NTM: variants seen among roughly 807,000 people sequenced by gnomAD.
NTM encodes IgLON family member 2.
In NTM, 13 loss-of-function variants were observed where a neutral mutation model predicts 42.1. The observed-to-expected ratio is 0.31, with a 90% CI of 0.20 to 0.49. The LOEUF is 0.49. Ranked by LOEUF, NTM falls within the 20% of genes least tolerant of loss-of-function variation. The probability of loss-of-function intolerance (pLI) is 0.99; values close to 1 mark genes in which losing one functional copy is unlikely to be tolerated. For missense variants in NTM, 373 were observed against 452.8 expected, an observed-to-expected ratio of 0.82 and a Z score of 1.60; for synonymous variants, 187 against 179.2, an observed-to-expected ratio of 1.04 and a Z score of -0.35.
In NTM at chr11:131,543,094, C is replaced by T. The variant is rs78681690; in HGVS notation, c.82+172206C>T. Among the ~76,000 whole-genome samples the T allele has an allele frequency of 1.9e-3, 288 of 152,290 alleles. 2 individuals are homozygous for T. Among genetic ancestry groups the T allele is most frequent in the East Asian group, 0.012 (64 of 5,166 alleles). On this transcript the variant is annotated intron_variant, in intron 1 of 8. Transcript: ENST00000683400. ...ACGTGACTTCTCTTAGCAGAGTGAA[C>T]GTATCTCCTACCTTAAGTCTCTTGT... is the stretch of plus-strand genomic sequence containing the variant.
At chr11:131,768,763 T>G (rs187133222) in intron 1 of NTM, among the ~76,000 whole-genome samples, 47 of 152,322 alleles carry the variant, frequency 3.1e-4, no homozygotes, top group African/African-American at 1.1e-3. Flanking sequence ...ATGGGAACTC[T>G]ATTGTTATTA....
chr11:131,670,445 A>G (rs564533498), intron 1 of NTM, among the ~76,000 whole-genome samples: 15 of 150,462 alleles, frequency 1.0e-4, no homozygotes, highest in African/African-American at 3.4e-4. Context: ...TAAGGAATAC[A>G]TGTCTGCATT....
intron 1 of NTM, among the ~76,000 whole-genome samples, chr11:131,751,151 A>G (rs913055300): frequency 6.6e-6 from 1 of 152,088 alleles, no homozygotes; most frequent in African/African-American, 2.4e-5. Flanking sequence ...AATTATACTT[A>G]TGGGCCAGGC....
chr11:131,526,332 T>C (rs425831), intron 1 of NTM, among the ~76,000 whole-genome samples: 33,364 of 152,078 alleles, frequency 0.22, 3,974 homozygotes, highest in African/African-American at 0.32. Context: ...TGGGCAGGTG[T>C]GGGTCCACAG....
chr11:131,862,529 A>C (rs2046750140), intron 1 of NTM, among the ~76,000 whole-genome samples: 1 of 152,224 alleles, frequency 6.6e-6, no homozygotes, highest in Non-Finnish European at 1.5e-5. Context: ...CCTAGTTGTT[A>C]TGTATGAATC....
intron 2 of NTM, among the ~76,000 whole-genome samples, chr11:131,996,088 T>C (rs1030076047): frequency 6.6e-6 from 1 of 152,160 alleles, no homozygotes; most frequent in Admixed American, 6.5e-5. Flanking sequence ...ATAAATTCTA[T>C]AGGGAAATTG....
chr11:132,092,069 C>G (rs2060441121), intron 2 of NTM, among the ~76,000 whole-genome samples: 1 of 152,184 alleles, frequency 6.6e-6, no homozygotes, highest in Non-Finnish European at 1.5e-5. Context: ...TCTAGCAATG[C>G]TATGGACTTT....
At chr11:131,464,364 G>A (rs1043729371) in intron 1 of NTM, among the ~76,000 whole-genome samples, 1 of 151,976 alleles carries the variant, frequency 6.6e-6, no homozygotes, top group Non-Finnish European at 1.5e-5. Flanking sequence ...AAAGCTGGGG[G>A]GGGGGCAGCA....
chr11:131,553,396 A>G (rs188903969), intron 1 of NTM, among the ~76,000 whole-genome samples: 1 of 152,288 alleles, frequency 6.6e-6, no homozygotes, highest in African/African-American at 2.4e-5. Flanking sequence ...GCTGGTCATG[A>G]CTTACCACGC....
At chr11:131,608,924 G>T (rs371231688) in intron 1 of NTM, among the ~76,000 whole-genome samples, 1 of 152,206 alleles carries the variant, frequency 6.6e-6, no homozygotes, top group Admixed American at 6.5e-5. Flanking sequence ...GACCCTATAG[G>T]CTTTCCTGTG....
chr11:131,537,196 A>C (rs1202295397), intron 1 of NTM: 6 of 151,910 alleles, frequency 3.9e-5, no homozygotes, highest in African/African-American at 1.5e-4. Context: ...AAAAAAAAAA[A>C]AAAAACAATT....
At chr11:132,111,301 T>C (rs899691700) in intron 2 of NTM, among the ~76,000 whole-genome samples, 1 of 151,566 alleles carries the variant, frequency 6.6e-6, no homozygotes, top group South Asian at 2.1e-4. Context: ...ATTTTTTATA[T>C]ATACATATAT....
chr11:131,944,334 A>ATTAGTGGTGAGCTCTTGATGAACT (rs2060124811), intron 2 of NTM, among the ~76,000 whole-genome samples: 1 of 152,192 alleles, frequency 6.6e-6, no homozygotes, highest in Admixed American at 6.5e-5. Flanking sequence ...AGCGGCGCTG[A>ATTAGTGGTGAGCTCTTGATGAACT]TTAGTGGTGA....
chr11:131,964,673 G>T (rs755438451), intron 2 of NTM, among the ~76,000 whole-genome samples: 8 of 152,170 alleles, frequency 5.3e-5, no homozygotes, highest in Non-Finnish European at 7.3e-5. Context: ...CATTGTCCCT[G>T]TGATCAATGG....
intron 1 of NTM, among the ~76,000 whole-genome samples, chr11:131,641,440 T>A (rs1259433736): frequency 6.6e-6 from 1 of 152,168 alleles, no homozygotes; most frequent in Non-Finnish European, 1.5e-5. Context: ...GCAGCAGATC[T>A]TAGGTGGTAG....
At chr11:131,631,891 G>A (rs1251004769) in intron 1 of NTM, among the ~76,000 whole-genome samples, 1 of 152,076 alleles carries the variant, frequency 6.6e-6, no homozygotes, top group African/African-American at 2.4e-5. Context: ...ATGTTACCTT[G>A]GAGAAGTCTG....
intron 1 of NTM, among the ~76,000 whole-genome samples, chr11:131,588,757 G>A (rs552778848): frequency 1.3e-5 from 2 of 152,326 alleles, no homozygotes; most frequent in South Asian, 4.1e-4. Context: ...AACTACGTCA[G>A]ACAAGGTCTC....
At chr11:132,095,622 A>T (rs529373866) in intron 2 of NTM, among the ~76,000 whole-genome samples, 1 of 152,202 alleles carries the variant, frequency 6.6e-6, no homozygotes, top group African/African-American at 2.4e-5. Context: ...TTTTCTCTTC[A>T]GTAGTCGGCA....
chr11:131,824,807 T>C (rs892020304), intron 1 of NTM, among the ~76,000 whole-genome samples: 12 of 151,836 alleles, frequency 7.9e-5, no homozygotes, highest in South Asian at 4.2e-4. Flanking sequence ...AAAAAGTAAA[T>C]GAGAGAGGGA....
Sources: gnomAD v4.1 joint callset for allele counts (sites outside exome capture counted in the v4.1 genomes callset) on GRCh38, gnomAD v4.1.1 for gene constraint, MANE v1.5 for transcripts, NCBI Gene and HGNC (gene_info 2026-07-23, HGNC 2026-07-21) for gene names.